The following CDH12 variants were observed in gnomAD, a reference collection of about 807,000 sequenced individuals.
CDH12 encodes the protein cadherin 12.
A neutral mutation model predicts 74.1 loss-of-function variants in CDH12; 41 were observed. The observed-to-expected ratio is 0.55, with a 90% CI of 0.43 to 0.72. The LOEUF (loss-of-function observed/expected upper bound fraction) is 0.72, where lower values mean the gene tolerates loss of function less well. Among genes scored for constraint, CDH12 ranks in the 30% least tolerant of loss-of-function variants. The pLI, the probability that CDH12 is intolerant of heterozygous loss-of-function variation, is 0.00. For missense variants in CDH12, 945 were observed against 977.2 expected (o/e 0.97, Z 0.44); for synonymous variants, 399 against 355.0 (o/e 1.12, Z -1.39).
At chr5:22,789,869 A>G (rs1747821375) in intron 1 of CDH12, among the ~76,000 whole-genome samples, 1 of 151,900 alleles carries the variant, frequency 6.6e-6, no homozygotes, top group Non-Finnish European at 1.5e-5. Context: ...AATATAAATT[A>G]AATATAAAAC....
intron 1 of CDH12, among the ~76,000 whole-genome samples, chr5:22,700,557 TTTC>T (rs1742663419): frequency 6.6e-6 from 1 of 152,240 alleles, no homozygotes; most frequent in African/African-American, 2.4e-5. Context: ...TTTGGCAAAG[TTTC>T]TTATCGCCTA....
At chr5:21,850,897 C>T (rs990363311) in intron 7 of CDH12, among the ~76,000 whole-genome samples, 3 of 150,842 alleles carry the variant, frequency 2.0e-5, no homozygotes, top group Non-Finnish European at 4.4e-5. Context: ...TTATAAAGGA[C>T]GTATTTTTCA....
intron 12 of CDH12, among the ~76,000 whole-genome samples, chr5:21,762,712 AT>A (rs1247460939): frequency 1.3e-5 from 2 of 152,116 alleles, no homozygotes; most frequent in Non-Finnish European, 2.9e-5. Flanking sequence ...ATTTCAACTA[AT>A]TTCCTTTTCT....
chr5:22,489,001 A>G (rs142481339), intron 2 of CDH12, among the ~76,000 whole-genome samples: 1,706 of 126,238 alleles, frequency 0.014, 16 homozygotes, highest in Non-Finnish European at 0.022. Flanking sequence ...TATGACAGCC[A>G]TTTTTTTTCT....
chr5:22,199,504 G>A (rs114588075), intron 4 of CDH12, among the ~76,000 whole-genome samples: 8,569 of 152,194 alleles, frequency 0.056, 267 homozygotes, highest in Non-Finnish European at 0.063. Flanking sequence ...CTAAATTTTT[G>A]TGTTAACTGT....
In CDH12 at chr5:22,434,165, T is replaced by C. The variant is rs1230161738; in HGVS notation, c.-427-28814A>G. ...AGAGCTATTCAAAATATACAAACTC[T>C]ATAGAGTGTTAAAAATTGTTGACAC... On this transcript the variant is annotated intron_variant, in intron 2 of 14. Coordinates refer to ENST00000382254, the MANE Select transcript of CDH12 (RefSeq NM_004061.5). Among the ~76,000 whole-genome samples the C allele has an allele frequency of 5.9e-5, 9 of 151,912 alleles. No individual in the cohort carries two copies. The East Asian group carries it at 1.4e-3, about 23-fold the overall frequency.
chr5:21,964,090 A>G (rs1467974411), intron 6 of CDH12, among the ~76,000 whole-genome samples: 1 of 152,032 alleles, frequency 6.6e-6, no homozygotes, highest in East Asian at 1.9e-4. Context: ...AAATCCCCAT[A>G]GGAGAAAAAT....
intron 1 of CDH12, among the ~76,000 whole-genome samples, chr5:22,634,515 A>T (rs1024789229): frequency 6.6e-6 from 1 of 152,170 alleles, no homozygotes; most frequent in African/African-American, 2.4e-5. Flanking sequence ...TTATAATGAT[A>T]ACATTTTCAA....
intron 3 of CDH12, among the ~76,000 whole-genome samples, chr5:22,358,810 T>C (rs1056490085): frequency 1.3e-5 from 2 of 152,210 alleles, no homozygotes; most frequent in Non-Finnish European, 2.9e-5. Context: ...ACACTGATGG[T>C]AGTTCACATT....
intron 6 of CDH12, among the ~76,000 whole-genome samples, chr5:21,860,737 T>G (rs1029617920): frequency 1.3e-5 from 2 of 152,032 alleles, no homozygotes; most frequent in South Asian, 4.1e-4. Context: ...TCTTTGGCTT[T>G]TGGACTCTTG....
chr5:21,965,589 ACT>A (rs1440839789), intron 6 of CDH12, among the ~76,000 whole-genome samples: 1 of 147,858 alleles, frequency 6.8e-6, no homozygotes, highest in Non-Finnish European at 1.5e-5. Context: ...AAAACTGTAG[ACT>A]CTGATTTTTT....
At chr5:21,907,198 G>A (rs138731078) in intron 6 of CDH12, among the ~76,000 whole-genome samples, 4 of 152,156 alleles carry the variant, frequency 2.6e-5, no homozygotes, top group Admixed American at 2.0e-4. Context: ...TTAGAACATC[G>A]TAACGGGAAA....
chr5:22,012,306 G>A (rs1372144315), intron 5 of CDH12, among the ~76,000 whole-genome samples: 1 of 151,898 alleles, frequency 6.6e-6, no homozygotes, highest in Non-Finnish European at 1.5e-5. Flanking sequence ...TGTCAAATAA[G>A]TGAAAGAGTT....
intron 1 of CDH12, among the ~76,000 whole-genome samples, chr5:22,850,585 A>T (rs1737504759): frequency 6.6e-6 from 1 of 152,162 alleles, no homozygotes; most frequent in Admixed American, 6.5e-5. Context: ...TTGGTACTAG[A>T]TTATAAGCAA....
intron 6 of CDH12, among the ~76,000 whole-genome samples, chr5:21,970,294 A>G (rs1292448489): frequency 6.6e-6 from 1 of 152,182 alleles, no homozygotes; most frequent in Non-Finnish European, 1.5e-5. Flanking sequence ...GGGCATAGAT[A>G]GAAGTGGATG....
chr5:22,356,814 G>C (rs1740581304), intron 3 of CDH12, among the ~76,000 whole-genome samples: 1 of 152,064 alleles, frequency 6.6e-6, no homozygotes, highest in African/African-American at 2.4e-5. Flanking sequence ...GATGAACTGT[G>C]TTCACATGTA....
chr5:22,512,723 G>T (rs534537217), intron 1 of CDH12, among the ~76,000 whole-genome samples: 2 of 152,278 alleles, frequency 1.3e-5, no homozygotes, highest in Middle Eastern at 3.4e-3. Flanking sequence ...AGTAAGGAAT[G>T]GAATCAGAGA....
At chr5:22,704,913 TA>T (rs1742910295) in intron 1 of CDH12, among the ~76,000 whole-genome samples, 1 of 151,910 alleles carries the variant, frequency 6.6e-6, no homozygotes. Context: ...ATACAATGTA[TA>T]AAAAACATAA....
intron 3 of CDH12, among the ~76,000 whole-genome samples, chr5:22,271,457 T>C (rs894171475): frequency 1.3e-5 from 2 of 152,234 alleles, no homozygotes; most frequent in African/African-American, 4.8e-5. Flanking sequence ...GGAATTGACA[T>C]CTTCCACACT....
Sources: allele counts gnomAD v4.1 joint callset (sites outside exome capture counted in the v4.1 genomes callset), GRCh38; gene constraint gnomAD v4.1.1; transcripts MANE v1.5; gene names NCBI Gene and HGNC (gene_info 2026-07-23, HGNC 2026-07-21).